Variants in C2orf80 observed in about 807,000 individuals in gnomAD.
C2orf80 encodes uncharacterized protein C2orf80.
A neutral mutation model predicts 30.2 loss-of-function variants in C2orf80; 28 were observed. That is an observed-to-expected ratio of 0.93 (90% CI 0.69 to 1.27). The LOEUF (loss-of-function observed/expected upper bound fraction) is 1.27, where lower values mean the gene tolerates loss of function less well. C2orf80 is among the 50% of genes most tolerant of loss of function. C2orf80 has a pLI of 0.00. For missense variants in C2orf80, 220 were observed against 231.0 expected (o/e 0.95, Z 0.31); for synonymous variants, 80 against 76.4 (o/e 1.05, Z -0.24).
intron 6 of C2orf80, among the ~76,000 whole-genome samples, chr2:208,176,937 ATATCT>A (rs774146133): frequency 0.085 from 7,527 of 88,816 alleles, 2,332 homozygotes; most frequent in Non-Finnish European, 0.13. Context: ...ATATGTATAC[ATATCT>A]GTATACATAT....
chr2:208,184,873 T>C, intron 3 of C2orf80, 78 bp downstream of exon 3: 1 of 1,193,428 alleles, frequency 8.4e-7, no homozygotes, highest in Non-Finnish European at 1.2e-6. Context: ...TTGTTTATTG[T>C]ATAAATAAGA....
At chr2:208,175,003 G>A (rs1236154888) in intron 6 of C2orf80, among the ~76,000 whole-genome samples, 1 of 152,116 alleles carries the variant, frequency 6.6e-6, no homozygotes, top group Non-Finnish European at 1.5e-5. Context: ...AGACATGGTC[G>A]GGCGCGGTGG....
At chr2:208,181,744 C>T (rs563762375) in intron 4 of C2orf80, among the ~76,000 whole-genome samples, 33 of 152,086 alleles carry the variant, frequency 2.2e-4, no homozygotes, top group African/African-American at 7.0e-4. Flanking sequence ...ACCTCCCCTG[C>T]GCTGCCACTG....
rs1559340222 is a variant in C2orf80 at position 208,176,916 on chromosome 2, T to TATCTGTATACATATGTATACAG, written c.366+3828_366+3829insCTGTATACATATGTATACAGAT. Among the ~76,000 whole-genome samples, 45 of 85,564 alleles carry TATCTGTATACATATGTATACAG rather than the reference T, an allele frequency of 5.3e-4. 7 individuals are homozygous for TATCTGTATACATATGTATACAG. The highest frequency in any genetic ancestry group is 7.9e-4 in the African/African-American group (18 of 22,904). 56.1% of individuals were successfully genotyped at this position (85,564 alleles called of 152,430 possible). A position where few individuals can be genotyped will look rare whatever the true frequency, so the allele number is the denominator to read the frequency against. On this transcript the variant is annotated intron_variant, in intron 6 of 8. Transcript: ENST00000341287. Reference sequence around the variant, plus strand: ...ATATATATACATATCTGTGTATACATATCTGTATACATATGTATACATATC... The same window carrying TATCTGTATACATATGTATACAG: ...ATATATATACATATCTGTGTATACATATCTGTATACATATGTATACAGATCTGTATACATATGTATACATATC...
chr2:208,186,529 T>C (rs963218942), intron 2 of C2orf80, among the ~76,000 whole-genome samples: 29 of 152,344 alleles, frequency 1.9e-4, no homozygotes, highest in African/African-American at 7.0e-4. Context: ...AATTTCTTAG[T>C]TGATAAGGCT....
intron 6 of C2orf80, among the ~76,000 whole-genome samples, chr2:208,176,961 A>AGATG: frequency 1.3e-5 from 1 of 78,332 alleles, no homozygotes; most frequent in African/African-American, 4.4e-5. Context: ...ATCTGTATAC[A>AGATG]TATGTATACA....
chr2:208,182,433 T>G (rs1283744212), intron 4 of C2orf80, among the ~76,000 whole-genome samples: 1 of 152,140 alleles, frequency 6.6e-6, no homozygotes, highest in African/African-American at 2.4e-5. Context: ...TGAGATGGAG[T>G]CTCACTCTGT....
chr2:208,188,645 G>T (rs966092223), intron 1 of C2orf80, among the ~76,000 whole-genome samples: 2 of 151,960 alleles, frequency 1.3e-5, no homozygotes, highest in African/African-American at 2.4e-5. Context: ...ACCGGGTGGT[G>T]TCATCATATT....
At position 208,165,613 on chromosome 2, in the gene C2orf80, T is replaced by C. The variant is rs978600789; in HGVS notation, c.*194A>G. On this transcript the variant is annotated 3_prime_UTR_variant, in exon 9 of 9. Coordinates refer to ENST00000341287, the MANE Select transcript of C2orf80 (RefSeq NM_001099334.3). ...AAGTAGCATAAGGTCACAGTTTTTT[T>C]TTTTAAGAAAATGTAGCCATGCAAT... The C allele has an allele frequency of 1.7e-6, 1 of 603,310 alleles. No individual in the cohort carries two copies. The highest frequency in any genetic ancestry group is 2.7e-6 in the Non-Finnish European group (1 of 367,318). The allele number at this position is 603,310 out of a possible 1,614,324, so 37.4% of individuals were successfully genotyped here. A position where few individuals can be genotyped will look rare whatever the true frequency, so the allele number is the denominator to read the frequency against.
At chr2:208,187,630 T>G (rs1357740295) in intron 1 of C2orf80, among the ~76,000 whole-genome samples, 3 of 151,832 alleles carry the variant, frequency 2.0e-5, no homozygotes, top group Non-Finnish European at 2.9e-5. Flanking sequence ...CAAAAAGGAG[T>G]CTATAGAAAA....
chr2:208,181,490 A>G (rs539182962), intron 4 of C2orf80, among the ~76,000 whole-genome samples, 185 bp from the exon 5 acceptor site: 4 of 152,330 alleles, frequency 2.6e-5, no homozygotes, highest in African/African-American at 9.6e-5. Context: ...TTAATCTTCC[A>G]ATAATGGTGA....
At chr2:208,185,580 G>T (rs757666857) in intron 2 of C2orf80, among the ~76,000 whole-genome samples, 1 of 152,062 alleles carries the variant, frequency 6.6e-6, no homozygotes, top group African/African-American at 2.4e-5. Context: ...TTTAATAAAA[G>T]AAGGTAAAAT....
chr2:208,171,142 A>G (rs1026627256), intron 7 of C2orf80, 79 bp from the exon 8 acceptor site: 45 of 933,158 alleles, frequency 4.8e-5, no homozygotes, highest in Non-Finnish European at 7.7e-5. Flanking sequence ...ATTTAATTTC[A>G]TTTCACTAAT....
At position 208,173,939 on chromosome 2, in the gene C2orf80, TCC is replaced by T. The variant is rs1696195527; in HGVS notation, c.367-1866_367-1865del. Among the ~76,000 whole-genome samples, 3 of 152,022 alleles carry T rather than the reference TCC, an allele frequency of 2.0e-5. 1 individual carries two copies. The highest frequency in any genetic ancestry group is 4.4e-5 in the Non-Finnish European group (3 of 68,004). On this transcript the variant is annotated intron_variant, in intron 6 of 8. Transcript: ENST00000341287. ...ATTAATATTGAAAGTGTGTTTTTAA[TCC>T]CTCATTTACTATTATTATTATTAAT...
chr2:208,166,897 G>T (rs149849130), intron 8 of C2orf80, among the ~76,000 whole-genome samples: 1,790 of 152,112 alleles, frequency 0.012, 35 homozygotes, highest in African/African-American at 0.041. Flanking sequence ...TGATCCGCCC[G>T]CCTCGGCTTC....
rs999051564 is a variant in C2orf80, at chr2:208,180,728, T to C, written c.366+17A>G. 3.7e-6 allele frequency: 6 copies of C among 1,602,488 alleles called. No homozygotes were observed. The highest frequency in any genetic ancestry group is 5.1e-6 in the Non-Finnish European group (6 of 1,172,702). On this transcript the variant is annotated intron_variant, in intron 6 of 8. Transcript: ENST00000341287. Reference sequence around the variant, plus strand: ...CTCTAAAAATCCCTTCTATTGACAATCCCAGGTCACCCTTACCTTGATGGT... The same window carrying C: ...CTCTAAAAATCCCTTCTATTGACAACCCCAGGTCACCCTTACCTTGATGGT...
chr2:208,180,429 G>A (rs1692306334), intron 6 of C2orf80, among the ~76,000 whole-genome samples: 2 of 150,344 alleles, frequency 1.3e-5, no homozygotes, highest in Non-Finnish European at 2.9e-5. Context: ...CAGCCAGGGT[G>A]ACAGAGTGAG....
At chr2:208,188,324 T>C (rs900262785) in intron 1 of C2orf80, among the ~76,000 whole-genome samples, 2 of 152,200 alleles carry the variant, frequency 1.3e-5, no homozygotes, top group Admixed American at 6.5e-5. Context: ...AAACGGTTTT[T>C]TGAAAATGGT....
chr2:208,181,845 G>A (rs2105909911), intron 4 of C2orf80, among the ~76,000 whole-genome samples: 1 of 152,192 alleles, frequency 6.6e-6, no homozygotes, highest in South Asian at 2.1e-4. Context: ...AATGAAATGG[G>A]CTGAAACTAG....
Sources: allele counts gnomAD v4.1 joint callset (sites outside exome capture counted in the v4.1 genomes callset), GRCh38; gene constraint gnomAD v4.1.1; transcripts MANE v1.5; gene names NCBI Gene and HGNC (gene_info 2026-07-23, HGNC 2026-07-21).